BCR: variants seen among roughly 807,000 people sequenced by gnomAD.
The protein encoded by BCR is breakpoint cluster region protein.
Under a neutral mutation model 138.6 loss-of-function variants are expected in BCR, and 58 were observed. The observed-to-expected ratio is 0.42, with a 90% CI of 0.34 to 0.52. The LOEUF is 0.52. Ranked by LOEUF, BCR falls within the 20% of genes least tolerant of loss-of-function variation. The pLI is 0.06. For missense variants in BCR, 1,599 were observed against 1,727.2 expected, an observed-to-expected ratio of 0.93 and a Z score of 1.32; for synonymous variants, 786 against 730.1, an observed-to-expected ratio of 1.08 and a Z score of -1.23.
chr22:23,295,110 G>A lies in BCR; in HGVS notation c.2967G>A (p.Glu989=). Residue 989 remains glutamate, a synonymous_variant, in exon 16 of 23, where the codon GAG becomes GAA. Coordinates refer to ENST00000305877, the MANE Select transcript of BCR (RefSeq NM_004327.4). Reference sequence around the variant, plus strand: ...ACAACAAGACGAAGATCCCCAAGGAGGACGGCGAGAGCACGGACAGACTCA... The same window carrying A: ...ACAACAAGACGAAGATCCCCAAGGAAGACGGCGAGAGCACGGACAGACTCA... ...KCYNKTKIPK[E]DGESTDRLMG... 1 of 1,614,200 alleles carries A rather than the reference G, an allele frequency of 6.2e-7. No individual in the cohort carries two copies. Among genetic ancestry groups the A allele is most frequent in the Non-Finnish European group, 8.5e-7 (1 of 1,180,022 alleles).
In BCR at chr22:23,292,568, C is replaced by T; in HGVS notation, c.2810C>T (p.Ser937Phe). ...SNLYCTLEVD[S>F]FGYFVNKAKT... ...CTGTACTGCACCCTGGAGGTGGATT[C>T]CTTTGGGTATTTTGTGAATAAAGCA... The change falls in exon 15 of 23, where the codon TCC becomes TTC. Residue 937 changes from serine to phenylalanine, a missense_variant. By Grantham distance (155) the Ser-to-Phe change is radical (BLOSUM62 -2). Coordinates refer to ENST00000305877, the MANE Select transcript of BCR (RefSeq NM_004327.4). The T allele has an allele frequency of 6.2e-7, 1 of 1,613,594 alleles. No individual in the cohort carries two copies. Among genetic ancestry groups the T allele is most frequent in the Non-Finnish European group, 8.5e-7 (1 of 1,179,688 alleles).
At chr22:23,267,551 C>G (rs1197642444) in intron 4 of BCR, among the ~76,000 whole-genome samples, 1 of 152,194 alleles carries the variant, frequency 6.6e-6, no homozygotes, top group Non-Finnish European at 1.5e-5. Context: ...CACCAGGAGC[C>G]GTGAATGCCT....
At chr22:23,213,993 A>G (rs2072719225) in intron 1 of BCR, among the ~76,000 whole-genome samples, 2 of 152,180 alleles carry the variant, frequency 1.3e-5, no homozygotes, top group Admixed American at 1.3e-4. Flanking sequence ...CTCATCTGTG[A>G]AATAGAAATC....
rs189795639 is a variant in BCR at position 23,207,872 on chromosome 22, A to G, written c.1279+25633A>G. Among the ~76,000 whole-genome samples, 9 of 152,194 alleles carry G rather than the reference A, an allele frequency of 5.9e-5. No individual in the cohort carries two copies. The East Asian group carries it at 1.4e-3, about 23-fold the overall frequency. On this transcript the variant is annotated intron_variant, in intron 1 of 22. Transcript: ENST00000305877. ...TGCATGGAGGATGGAGTGAGCATGG[A>G]GTGTGCGACTGCCATAGGCCCTGCT...
At position 23,181,728 on chromosome 22, in the gene BCR, G is replaced by A; in HGVS notation, c.768G>A (p.Leu256=). ...ACGCCGAGTTGAACCCCCGCTTCCT[G>A]AAGGACAACCTGATCGACGCCAATG... ...YEDAELNPRF[L]KDNLIDANGG... Residue 256 remains leucine (L), a synonymous_variant, in exon 1 of 23, where the codon CTG becomes CTA. Transcript: ENST00000305877. 1 of 1,604,068 alleles carries A rather than the reference G, an allele frequency of 6.2e-7. No individual in the cohort carries two copies. The highest frequency in any genetic ancestry group is 8.5e-7 in the Non-Finnish European group (1 of 1,179,970).
chr22:23,222,841 T>G (rs1715599183), intron 1 of BCR, among the ~76,000 whole-genome samples: 1 of 152,190 alleles, frequency 6.6e-6, no homozygotes, highest in South Asian at 2.1e-4. Flanking sequence ...TAACAAGGTG[T>G]CTTAGTCTGT....
At chr22:23,239,821 C>CT (rs1403169301) in intron 1 of BCR, among the ~76,000 whole-genome samples, 1 of 151,670 alleles carries the variant, frequency 6.6e-6, no homozygotes, top group African/African-American at 2.4e-5. Context: ...CCCACCCCCA[C>CT]TTTTTTTTAA....
Position 23,273,775 on chromosome 22 carries a change from G to T in BCR, c.2115+1G>T. ...GTCCATGACGGTGAAGAAGGGAGAG[G>T]TGAGTGTGGCAGGGGATGGCTTGGG... On this transcript the variant is annotated splice_donor_variant, in intron 8 of 22. Coordinates refer to ENST00000305877, the MANE Select transcript of BCR (RefSeq NM_004327.4). LOFTEE classifies it high-confidence loss of function. 6.2e-7 allele frequency: 1 copy of T among 1,614,044 alleles called. No individual in the cohort carries two copies. The highest frequency in any genetic ancestry group is 1.1e-5 in the South Asian group (1 of 91,084).
chr22:23,217,056 A>G (rs2072763068), intron 1 of BCR: 1 of 450,076 alleles, frequency 2.2e-6, no homozygotes, highest in Admixed American at 2.4e-5. Context: ...CGTGGACACA[A>G]GGCATGATTC....
chr22:23,265,965 A>G (rs150638173), intron 4 of BCR, among the ~76,000 whole-genome samples: 18 of 152,278 alleles, frequency 1.2e-4, no homozygotes, highest in African/African-American at 4.3e-4. Context: ...AGCTGTTTTC[A>G]TTCTCTGATT....
chr22:23,286,151 A>G (rs1880865320), intron 10 of BCR, among the ~76,000 whole-genome samples: 1 of 152,232 alleles, frequency 6.6e-6, no homozygotes, highest in South Asian at 2.1e-4. Flanking sequence ...CCCCCATACA[A>G]GCTACCCTGA....
intron 1 of BCR, among the ~76,000 whole-genome samples, chr22:23,223,551 C>T (rs2072853816): frequency 6.6e-6 from 1 of 152,188 alleles, no homozygotes; most frequent in African/African-American, 2.4e-5. Flanking sequence ...TCCCTCTTCT[C>T]CTGGTATCAG....
At position 23,313,973 on chromosome 22, in the gene BCR, T is replaced by A. The variant is rs1452414391; in HGVS notation, c.3463T>A (p.Ser1155Thr). 1 of 1,613,870 alleles carries A rather than the reference T, an allele frequency of 6.2e-7. No individual in the cohort carries two copies. Among genetic ancestry groups the A allele is most frequent in the East Asian group, 2.2e-5 (1 of 44,862 alleles). Residue 1155 changes from serine (S) to threonine (T), a missense_variant, in exon 21 of 23, where the codon TCA (serine) becomes ACA (threonine). Around this residue, in one of 4 missense-constraint regions of BCR, gnomAD observed 177 missense variants for 226.4 expected, o/e 0.78. Transcript: ENST00000305877. The stretch of plus-strand genomic sequence containing the variant: ...TAACCCACCGCCTTCTGCAGCTCTT[T>A]CAGACCCGGTTGCAAAGGAGAGCTG... ...YPNFAEGIAL[S>T]DPVAKESCML...
intron 16 of BCR, among the ~76,000 whole-genome samples, chr22:23,299,655 CT>C (rs1385002887): frequency 1.9e-4 from 29 of 151,240 alleles, no homozygotes; most frequent in African/African-American, 6.8e-4. Context: ...ACATCTGTAT[CT>C]GTAAGTTATT....
chr22:23,247,604 C>T (rs2073170988), intron 1 of BCR, among the ~76,000 whole-genome samples: 1 of 152,184 alleles, frequency 6.6e-6, no homozygotes, highest in Non-Finnish European at 1.5e-5. Flanking sequence ...GAACCCCACA[C>T]CTCTGGCAGC....
intron 14 of BCR, 159 bp downstream of exon 14, chr22:23,290,572 C>T: frequency 1.4e-6 from 1 of 738,182 alleles, no homozygotes; most frequent in South Asian, 1.6e-5. Flanking sequence ...CTGGTTGATG[C>T]CTTCTGGGTG....
At chr22:23,223,795 T>G (rs892409717) in intron 1 of BCR, among the ~76,000 whole-genome samples, 1 of 152,234 alleles carries the variant, frequency 6.6e-6, no homozygotes, top group African/African-American at 2.4e-5. Flanking sequence ...CCTCTCCTCC[T>G]GCCATTGACA....
chr22:23,272,985 C>T lies in BCR; in HGVS notation c.1922-96C>T, dbSNP rs573951040. On this transcript the variant is annotated intron_variant, in intron 6 of 22. Transcript: ENST00000305877. Reference sequence around the variant, plus strand: ...GAGATGGGGCCTGTGGAGGCTGGGGCAGCCCCCTCCCCACTCACCCTTGCA... The same window carrying T: ...GAGATGGGGCCTGTGGAGGCTGGGGTAGCCCCCTCCCCACTCACCCTTGCA... 10 of 1,356,848 alleles carry T rather than the reference C, an allele frequency of 7.4e-6. No homozygotes were observed. The African/African-American group carries it at 8.6e-5, about 12-fold the overall frequency. The allele number at this position is 1,356,848 out of a possible 1,614,324, so 84.1% of individuals were successfully genotyped here.
Position 23,246,909 on chromosome 22 carries a change from C to T in BCR, c.1280-6890C>T, listed in dbSNP as rs141244438. On this transcript the variant is annotated intron_variant, in intron 1 of 22. Coordinates refer to ENST00000305877, the MANE Select transcript of BCR (RefSeq NM_004327.4). ...TTCGGAGCCCCCAAGATCCACAGCC[C>T]TTCTCGAGGGTAGAGTCTGCTCTTG... 2.3e-3 allele frequency among the ~76,000 whole-genome samples: 349 copies of T among 152,078 alleles called. 3 individuals carry two copies. The highest frequency in any genetic ancestry group is 8.1e-3 in the African/African-American group (334 of 41,480).
Sources: allele counts gnomAD v4.1 joint callset (sites outside exome capture counted in the v4.1 genomes callset), GRCh38; gene constraint gnomAD v4.1.1; regional missense constraint gnomAD v4.1.1; transcripts MANE v1.5; gene names NCBI Gene and HGNC (gene_info 2026-07-23, HGNC 2026-07-21).